The following SLC9C2 variants were observed in gnomAD, a reference collection of about 807,000 sequenced individuals.
SLC9C2 encodes solute carrier family 9 member C2 (putative), also known as sodium/hydrogen exchanger 11.
In SLC9C2, 75 loss-of-function variants were observed where a neutral mutation model predicts 140.2. The ratio of observed to expected loss-of-function variants is 0.53; its 90% CI spans 0.44 to 0.65. SLC9C2 has a LOEUF of 0.65. Among genes scored for constraint, SLC9C2 ranks in the 30% least tolerant of loss-of-function variants. SLC9C2 has a pLI of 0.00. For missense variants in SLC9C2, 1,074 were observed against 1,331.8 expected, an observed-to-expected ratio of 0.81 and a Z score of 3.01; for synonymous variants, 375 against 420.9, an observed-to-expected ratio of 0.89 and a Z score of 1.34.
At chr1:173,545,009 A>T (rs973978378) in intron 13 of SLC9C2, among the ~76,000 whole-genome samples, 82 of 151,730 alleles carry the variant, frequency 5.4e-4, no homozygotes, top group African/African-American at 1.1e-3. Flanking sequence ...AGTATAATTT[A>T]AAAAAAAAGA....
chr1:173,547,800 T>C lies in SLC9C2; in HGVS notation c.1462-16A>G, dbSNP rs1294984743. On this transcript the variant is annotated splice_polypyrimidine_tract_variant and intron_variant, in intron 12 of 27. Transcript: ENST00000367714. ...CGTGGGAAAACTGAACCGTATCAGA[T>C]GACATTTTAAAACATAAAGGGATAA... is the stretch of plus-strand genomic sequence containing the variant. 2 of 1,583,352 alleles carry C rather than the reference T, an allele frequency of 1.3e-6. No homozygotes were observed. Among genetic ancestry groups the C allele is most frequent in the East Asian group, 2.3e-5 (1 of 44,346 alleles).
At chr1:173,550,867 G>A (rs920850312) in intron 11 of SLC9C2, among the ~76,000 whole-genome samples, 13 of 81,872 alleles carry the variant, frequency 1.6e-4, no homozygotes, top group East Asian at 2.9e-4. Context: ...ATAGTGAGCC[G>A]TTGAAAGAGA....
intron 13 of SLC9C2, among the ~76,000 whole-genome samples, chr1:173,543,790 C>T (rs1258784987): frequency 6.6e-6 from 1 of 152,196 alleles, no homozygotes; most frequent in African/African-American, 2.4e-5. Flanking sequence ...GCTGGGAAAG[C>T]TGGCTAGCCA....
intron 10 of SLC9C2, among the ~76,000 whole-genome samples, chr1:173,555,769 T>C (rs1663642713): frequency 6.6e-6 from 1 of 152,282 alleles, no homozygotes; most frequent in South Asian, 2.1e-4. Context: ...CCCACAGATA[T>C]AAATCCTCAG....
rs1661235337 is a variant in SLC9C2 at position 173,526,822 on chromosome 1, A to T, written c.2314-108T>A. The T allele has an allele frequency of 4.0e-6, 3 of 757,044 alleles. No individual in the cohort carries two copies. The African/African-American group carries it at 5.2e-5, about 13-fold the overall frequency. 46.9% of individuals were successfully genotyped at this position (757,044 alleles called of 1,614,324 possible). A position where few individuals can be genotyped will look rare whatever the true frequency, so the allele number is the denominator to read the frequency against. ...TATATTCCTGAGAAGCATACTTATT[A>T]TACCAAGTATAGTTCTGGCTTTCCT... On this transcript the variant is annotated intron_variant, in intron 18 of 27. Coordinates refer to ENST00000367714, the MANE Select transcript of SLC9C2 (RefSeq NM_178527.4).
At chr1:173,508,767 T>C (rs996282437) in intron 24 of SLC9C2, among the ~76,000 whole-genome samples, 4 of 152,192 alleles carry the variant, frequency 2.6e-5, no homozygotes, top group African/African-American at 9.7e-5. Context: ...CAATAGTTAC[T>C]AAATAGGATA....
intron 21 of SLC9C2, among the ~76,000 whole-genome samples, chr1:173,522,166 G>A (rs1428984911): frequency 1.3e-5 from 2 of 151,790 alleles, no homozygotes; most frequent in Non-Finnish European, 2.9e-5. Flanking sequence ...AGCTTGCAGT[G>A]AGCCGAGATC....
At chr1:173,533,579 ATCTTAATAT>A (rs753997195) in intron 17 of SLC9C2, 21 bp downstream of exon 17, 1 of 1,529,622 alleles carries the variant, frequency 6.5e-7, no homozygotes, top group South Asian at 1.2e-5. Context: ...CTCCTGGCAA[ATCTTAATAT>A]TTTAAAATGT....
intron 9 of SLC9C2, among the ~76,000 whole-genome samples, chr1:173,566,408 G>A (rs980426311): frequency 2.6e-5 from 4 of 151,990 alleles, no homozygotes; most frequent in African/African-American, 9.7e-5. Context: ...TTTAGGTAGG[G>A]TAGGTGGTAT....
At chr1:173,507,083 G>T (rs1202197223) in intron 24 of SLC9C2, 42 bp from the exon 25 acceptor site, 4 of 1,412,542 alleles carry the variant, frequency 2.8e-6, no homozygotes, top group Middle Eastern at 2.0e-4. Context: ...CATACAAACT[G>T]ACAGATGGTA....
At chr1:173,585,660 C>A (rs1265564335) in intron 5 of SLC9C2, among the ~76,000 whole-genome samples, 1 of 152,120 alleles carries the variant, frequency 6.6e-6, no homozygotes, top group Non-Finnish European at 1.5e-5. Context: ...TCACTAGTTT[C>A]GTCTTAAAGC....
intron 18 of SLC9C2, 94 bp from the exon 19 acceptor site, chr1:173,526,808 G>A (rs1661234263): frequency 2.3e-6 from 2 of 851,672 alleles, no homozygotes; most frequent in Non-Finnish European, 3.7e-6. Context: ...ATATTCCTGA[G>A]AAGCATACTT....
At chr1:173,535,728 T>C (rs1427447478) in intron 15 of SLC9C2, 102 bp downstream of exon 15, 2 of 1,314,256 alleles carry the variant, frequency 1.5e-6, no homozygotes, top group Non-Finnish European at 2.0e-6. Flanking sequence ...TAAACCATAA[T>C]ATAGTTTTTC....
chr1:173,575,867 C>A (rs1461857345), intron 8 of SLC9C2, among the ~76,000 whole-genome samples: 1 of 152,116 alleles, frequency 6.6e-6, no homozygotes, highest in East Asian at 1.9e-4. Flanking sequence ...CGTGAGCCAC[C>A]GTGCCCGGCC....
Position 173,517,396 on chromosome 1 carries a change from T to C in SLC9C2, c.2907+141A>G, listed in dbSNP as rs529033249. Reference sequence around the variant, plus strand: ...TGGCAGAGCCTGGGATGTGAGACACTAAATCTGCCTTTTCAGCTATGTTAC... The same window carrying C: ...TGGCAGAGCCTGGGATGTGAGACACCAAATCTGCCTTTTCAGCTATGTTAC... On this transcript the variant is annotated intron_variant, in intron 23 of 27. Transcript: ENST00000367714. 42 of 726,798 alleles carry C rather than the reference T, an allele frequency of 5.8e-5. 1 individual carries two copies. In the South Asian group the frequency reaches 8.0e-4, roughly 14 times the overall value. The allele number at this position is 726,798 out of a possible 1,614,324, so 45.0% of individuals were successfully genotyped here.
At position 173,583,568 on chromosome 1, in the gene SLC9C2, C is replaced by T; in HGVS notation, c.578G>A (p.Ser193Asn). 1 of 1,610,310 alleles carries T rather than the reference C, an allele frequency of 6.2e-7. No individual in the cohort carries two copies. The highest frequency in any genetic ancestry group is 1.1e-5 in the South Asian group (1 of 89,876). ...ATTTCCAAAAAAAATTGATGCGATG[C>T]TACAAATGATCAATGATTCTCCTCT... ...LIRGESLIIC[S>N]IASIFFGNFR... is the part of the protein sequence containing the mutation. The change falls in exon 6 of 28, where the codon AGC (serine) becomes AAC (asparagine). Residue 193 changes from serine to asparagine, a missense_variant. Ser to Asn is a conservative substitution (Grantham distance 46). Coordinates refer to ENST00000367714, the MANE Select transcript of SLC9C2 (RefSeq NM_178527.4).
At chr1:173,544,489 C>A (rs1662690144) in intron 13 of SLC9C2, among the ~76,000 whole-genome samples, 1 of 152,146 alleles carries the variant, frequency 6.6e-6, no homozygotes, top group Admixed American at 6.5e-5. Context: ...ACCATTTGAT[C>A]CAGCCATCCC....
chr1:173,503,220 T>A, intron 27 of SLC9C2, 46 bp downstream of exon 27: 1 of 1,533,568 alleles, frequency 6.5e-7, no homozygotes, highest in Admixed American at 1.7e-5. Context: ...TATAGTTCAA[T>A]ATTTGCAATA....
At chr1:173,513,163 T>A (rs1404009232) in intron 23 of SLC9C2, among the ~76,000 whole-genome samples, 1 of 152,210 alleles carries the variant, frequency 6.6e-6, no homozygotes, top group African/African-American at 2.4e-5. Flanking sequence ...GGTATCAGGA[T>A]GATGCTGGCC....
Sources: allele counts gnomAD v4.1 joint callset (sites outside exome capture counted in the v4.1 genomes callset), GRCh38; gene constraint gnomAD v4.1.1; transcripts MANE v1.5; gene names NCBI Gene and HGNC (gene_info 2026-07-23, HGNC 2026-07-21).